The following CTCF variants were observed in gnomAD, a reference collection of about 807,000 sequenced individuals.
The protein encoded by CTCF is CCCTC-binding factor.
A neutral mutation model predicts 72.3 loss-of-function variants in CTCF; 7 were observed. That is an observed-to-expected ratio of 0.10 (90% confidence interval 0.06 to 0.18). The LOEUF (loss-of-function observed/expected upper bound fraction) is 0.18, where lower values mean the gene tolerates loss of function less well. Among genes scored for constraint, CTCF ranks in the 10% least tolerant of loss-of-function variants. The pLI, the probability that CTCF is intolerant of heterozygous loss-of-function variation, is 1.00. For synonymous variants in CTCF, 374 were observed against 315.8 expected, an observed-to-expected ratio of 1.18 and a Z score of -1.95; for missense variants, 516 against 949.1, an observed-to-expected ratio of 0.54 and a Z score of 6.00.
chr16:67,634,516 CT>C (rs35780985), intron 10 of CTCF, among the ~76,000 whole-genome samples: 60 of 104,158 alleles, frequency 5.8e-4, no homozygotes, highest in Admixed American at 1.2e-3. Context: ...CCTAAATGGG[CT>C]TTTTTTTTTT....
Position 67,570,587 on chromosome 16 carries a change from G to A in CTCF, c.-126-561G>A, listed in dbSNP as rs143533938. Among the ~76,000 whole-genome samples the A allele has an allele frequency of 7.5e-3, 1,133 of 151,018 alleles. 32 individuals carry two copies. The highest frequency in any genetic ancestry group is 0.047 in the Admixed American group (717 of 15,124). ...CTCCCAAGTAGCTGGTACTACAGGC[G>A]CCTGCCACCACACCCGGCTAATTTT... On this transcript the variant is annotated intron_variant, in intron 1 of 11. Coordinates refer to ENST00000264010, the MANE Select transcript of CTCF (RefSeq NM_006565.4).
At chr16:67,613,831 G>C (rs2142832975) in intron 4 of CTCF, among the ~76,000 whole-genome samples, 1 of 152,202 alleles carries the variant, frequency 6.6e-6, no homozygotes, top group Non-Finnish European at 1.5e-5. Context: ...TCCCAAGATG[G>C]GTGTGCCTTG....
At chr16:67,631,467 T>G (rs1424177132) in intron 10 of CTCF, among the ~76,000 whole-genome samples, 1 of 151,768 alleles carries the variant, frequency 6.6e-6, no homozygotes, top group Middle Eastern at 3.2e-3. Context: ...GCCCGGCTGT[T>G]TTTTTGTTTT....
chr16:67,601,574 C>G (rs1294115422), intron 2 of CTCF, among the ~76,000 whole-genome samples: 2 of 151,892 alleles, frequency 1.3e-5, no homozygotes, highest in Non-Finnish European at 2.9e-5. Flanking sequence ...GATCTCCTGA[C>G]CTCGGGGATG....
chr16:67,591,050 T>G (rs950562989), intron 2 of CTCF, among the ~76,000 whole-genome samples: 3 of 151,266 alleles, frequency 2.0e-5, no homozygotes, highest in Non-Finnish European at 4.4e-5. Context: ...CCCAGCACTT[T>G]GGGAGGCCGA....
In CTCF at chr16:67,592,889, C is replaced by T. The variant is rs533601955; in HGVS notation, c.-9-17935C>T. Reference sequence around the variant, plus strand: ...TAAAAATACAAAAATTAGCGGGGCACAGTGGCATGTGCCTGTAGTCCCAGC... The same window carrying T: ...TAAAAATACAAAAATTAGCGGGGCATAGTGGCATGTGCCTGTAGTCCCAGC... On this transcript the variant is annotated intron_variant, in intron 2 of 11. Transcript: ENST00000264010. Among the ~76,000 whole-genome samples, 153 of 150,926 alleles carry T rather than the reference C, an allele frequency of 1.0e-3. 1 individual carries two copies. Among genetic ancestry groups the T allele is most frequent in the African/African-American group, 3.2e-3 (132 of 41,114 alleles).
intron 2 of CTCF, among the ~76,000 whole-genome samples, chr16:67,571,537 T>G (rs1170775905): frequency 6.6e-6 from 1 of 152,188 alleles, no homozygotes; most frequent in East Asian, 1.9e-4. Context: ...TATTCTCCGT[T>G]AATGAGAATG....
At chr16:67,602,730 A>T (rs1031438161) in intron 2 of CTCF, among the ~76,000 whole-genome samples, 3 of 151,360 alleles carry the variant, frequency 2.0e-5, no homozygotes, top group Non-Finnish European at 4.4e-5. Flanking sequence ...AATCCCAGCT[A>T]CTCGGGAGGC....
intron 2 of CTCF, among the ~76,000 whole-genome samples, chr16:67,588,481 A>G (rs1376660926): frequency 2.0e-5 from 3 of 152,112 alleles, no homozygotes; most frequent in Admixed American, 1.3e-4. Flanking sequence ...TTAGGGGAAC[A>G]GAAAGTGAAG....
At chr16:67,632,375 C>T (rs1161988227) in intron 10 of CTCF, among the ~76,000 whole-genome samples, 2 of 152,170 alleles carry the variant, frequency 1.3e-5, no homozygotes, top group African/African-American at 4.8e-5. Flanking sequence ...TAGATTTCTA[C>T]AGTTCTGTGT....
At chr16:67,587,903 G>C (rs1244160154) in intron 2 of CTCF, among the ~76,000 whole-genome samples, 1 of 152,090 alleles carries the variant, frequency 6.6e-6, no homozygotes, top group Non-Finnish European at 1.5e-5. Context: ...AGTCACCCAG[G>C]CTGGGATGCA....
intron 10 of CTCF, among the ~76,000 whole-genome samples, chr16:67,633,424 A>G (rs888995822): frequency 2.6e-5 from 4 of 152,136 alleles, no homozygotes; most frequent in East Asian, 1.9e-4. Flanking sequence ...CCTCACTTTC[A>G]TGTACCACTT....
Position 67,607,823 on chromosome 16 carries a change from G to A in CTCF, c.-9-3001G>A, listed in dbSNP as rs571807249. ...TCACGAGGTCAGAAGTTCAAGACCA[G>A]CCTGGCCAACATAGTGAAACCCCGT... On this transcript the variant is annotated intron_variant, in intron 2 of 11. Transcript: ENST00000264010. 2.7e-5 allele frequency among the ~76,000 whole-genome samples: 4 copies of A among 145,926 alleles called. 1 individual carries two copies. In the South Asian group the frequency reaches 9.0e-4, roughly 33 times the overall value.
intron 2 of CTCF, among the ~76,000 whole-genome samples, chr16:67,582,278 C>T (rs1329558729): frequency 6.6e-6 from 1 of 151,958 alleles, no homozygotes; most frequent in Non-Finnish European, 1.5e-5. Context: ...TGTTAAGTGG[C>T]ATGTGTGCAT....
At chr16:67,585,595 T>C (rs1451538158) in intron 2 of CTCF, among the ~76,000 whole-genome samples, 1 of 152,322 alleles carries the variant, frequency 6.6e-6, no homozygotes, top group Non-Finnish European at 1.5e-5. Flanking sequence ...AGCACTTCTG[T>C]TTTTAATGTA....
intron 7 of CTCF, among the ~76,000 whole-genome samples, chr16:67,625,631 T>C (rs2052272762): frequency 6.6e-6 from 1 of 152,230 alleles, no homozygotes; most frequent in Non-Finnish European, 1.5e-5. Context: ...GTGATAAGCA[T>C]AGCTGCTTTC....
At chr16:67,601,244 GTGTGTGTGTGTTT>G (rs1167782356) in intron 2 of CTCF, among the ~76,000 whole-genome samples, 1 of 147,722 alleles carries the variant, frequency 6.8e-6, no homozygotes, top group Non-Finnish European at 1.5e-5. Flanking sequence ...GTGTGTGTGT[GTGTGTGTGTGTTT>G]TGTTTTGTTT....
At chr16:67,573,355 G>A (rs2051450498) in intron 2 of CTCF, among the ~76,000 whole-genome samples, 1 of 151,634 alleles carries the variant, frequency 6.6e-6, no homozygotes, top group African/African-American at 2.4e-5. Context: ...CCTGAACCAG[G>A]AGGCAGGCAG....
At chr16:67,604,861 G>C (rs2051952237) in intron 2 of CTCF, among the ~76,000 whole-genome samples, 2 of 145,824 alleles carry the variant, frequency 1.4e-5, no homozygotes, top group Non-Finnish European at 3.0e-5. Context: ...CCAGCCTAGA[G>C]AATTTATATT....
Sources: allele counts gnomAD v4.1 joint callset (sites outside exome capture counted in the v4.1 genomes callset), GRCh38; gene constraint gnomAD v4.1.1; transcripts MANE v1.5; gene names NCBI Gene and HGNC (gene_info 2026-07-23, HGNC 2026-07-21).